Variants in PPP2R3C observed in about 807,000 individuals in gnomAD.
PPP2R3C encodes the protein serine/threonine-protein phosphatase 2A regulatory subunit B'' subunit gamma.
A neutral mutation model predicts 63.7 loss-of-function variants in PPP2R3C; 47 were observed. That is an observed-to-expected ratio of 0.74 (90% CI 0.58 to 0.94). The LOEUF (loss-of-function observed/expected upper bound fraction) is 0.94, where lower values mean the gene tolerates loss of function less well. Ranked by LOEUF, PPP2R3C falls within the 40% of genes least tolerant of loss-of-function variation. The pLI is 0.00. For missense variants in PPP2R3C, 421 were observed against 518.4 expected (o/e 0.81, Z 1.82); for synonymous variants, 180 against 177.4 (o/e 1.01, Z -0.12).
At chr14:35,116,899 A>G (rs1488316878) in intron 1 of PPP2R3C, among the ~76,000 whole-genome samples, 162 bp from the exon 2 acceptor site, 1 of 152,200 alleles carries the variant, frequency 6.6e-6, no homozygotes, top group Admixed American at 6.6e-5. Context: ...TTTCTGAAAT[A>G]CCAAGAATCA....
chr14:35,087,984 A>G lies in PPP2R3C; in HGVS notation c.1140T>C (p.His380=), dbSNP rs1216741527. Reference sequence around the variant, plus strand: ...CTTGAAATGAAACAGGATCTTGTCCATGGATTTTCATTAGTTCCTGTATGG... The same window carrying G: ...CTTGAAATGAAACAGGATCTTGTCCGTGGATTTTCATTAGTTCCTGTATGG... ...FRAIQELMKI[H]GQDPVSFQDV... is the part of the protein sequence containing the mutation. Residue 380 remains histidine, a synonymous_variant, in exon 12 of 13, where the codon CAT becomes CAC. Transcript: ENST00000261475. 6.2e-7 allele frequency: 1 copy of G among 1,600,488 alleles called. No individual in the cohort carries two copies. The highest frequency in any genetic ancestry group is 2.2e-5 in the East Asian group (1 of 44,714).
chr14:35,110,312 G>C, intron 3 of PPP2R3C: 1 of 497,720 alleles, frequency 2.0e-6, no homozygotes, highest in Non-Finnish European at 3.6e-6. Context: ...GAATCACCTA[G>C]GGCCTTAAAC....
intron 10 of PPP2R3C, among the ~76,000 whole-genome samples, chr14:35,094,824 T>G (rs575662873): frequency 6.6e-6 from 1 of 152,148 alleles, no homozygotes; most frequent in East Asian, 1.9e-4. Flanking sequence ...TGCAGTGGCA[T>G]GCACCCATAA....
intron 1 of PPP2R3C, among the ~76,000 whole-genome samples, chr14:35,118,717 G>C (rs1254723573): frequency 6.8e-6 from 1 of 147,076 alleles, no homozygotes; most frequent in Non-Finnish European, 1.5e-5. Flanking sequence ...GCAGTGGCGC[G>C]ATCTTGGCTC....
At chr14:35,105,759 G>T (rs1034033636) in intron 6 of PPP2R3C, among the ~76,000 whole-genome samples, 2 of 152,060 alleles carry the variant, frequency 1.3e-5, no homozygotes, top group Admixed American at 1.3e-4. Context: ...TAGAATTCTA[G>T]CTGCTTTCCT....
intron 12 of PPP2R3C, chr14:35,086,050 G>T: frequency 2.8e-6 from 1 of 352,356 alleles, no homozygotes; most frequent in Non-Finnish European, 5.1e-6. Flanking sequence ...AGAAACCAAG[G>T]CTCAGTGCCT....
Position 35,109,888 on chromosome 14 carries a change from A to G in PPP2R3C, c.335T>C (p.Ile112Thr), listed in dbSNP as rs1249218795. 5.0e-6 allele frequency: 8 copies of G among 1,611,766 alleles called. No homozygotes were observed. The highest frequency in any genetic ancestry group is 1.7e-5 in the Admixed American group (1 of 59,894). ...LLDKHQTPPM[I>T]GEEAMINYEN... ...GTAATTGATCATCGCTTCCTCTCCAATCATAGGTGGTGTCTGGTGTTTGTC... is the reference window on the plus strand; with the variant it reads ...GTAATTGATCATCGCTTCCTCTCCAGTCATAGGTGGTGTCTGGTGTTTGTC... Residue 112 changes from isoleucine to threonine, a missense_variant, in exon 4 of 13, where the codon ATT becomes ACT. This residue lies in a region of PPP2R3C where 143 missense variants were observed against 151.2 expected (regional missense o/e 0.95). Coordinates refer to ENST00000261475, the MANE Select transcript of PPP2R3C (RefSeq NM_017917.4).
At chr14:35,099,216 C>T (rs1222640312) in intron 7 of PPP2R3C, 36 bp downstream of exon 7, 2 of 1,489,384 alleles carry the variant, frequency 1.3e-6, no homozygotes, top group Non-Finnish European at 1.8e-6. Context: ...TAATAATATC[C>T]TCATAATATC....
intron 12 of PPP2R3C, chr14:35,087,602 G>A (rs952532544): frequency 4.8e-6 from 1 of 209,716 alleles, no homozygotes; most frequent in Non-Finnish European, 9.7e-6. Context: ...GTTTCACCAT[G>A]TTGACCAGGC....
intron 2 of PPP2R3C, among the ~76,000 whole-genome samples, chr14:35,116,106 A>C (rs1595129590): frequency 6.6e-6 from 1 of 152,266 alleles, no homozygotes; most frequent in African/African-American, 2.4e-5. Flanking sequence ...TTACATACCC[A>C]CTTAAATCTA....
At chr14:35,101,454 A>G (rs533233572) in intron 6 of PPP2R3C, 3 of 152,352 alleles carry the variant, frequency 2.0e-5, no homozygotes, top group Non-Finnish European at 2.9e-5. Flanking sequence ...TGAAATAAAA[A>G]TATCTTCTTT....
intron 3 of PPP2R3C, chr14:35,110,154 A>G (rs2046503419): frequency 4.2e-6 from 2 of 480,908 alleles, no homozygotes; most frequent in African/African-American, 4.0e-5. Context: ...CCACATCTCT[A>G]TGATATAGTT....
chr14:35,109,988 A>G, intron 3 of PPP2R3C, 57 bp from the exon 4 acceptor site: 10 of 1,240,238 alleles, frequency 8.1e-6, no homozygotes, highest in South Asian at 2.8e-5. Flanking sequence ...AGATTTTAAT[A>G]TGTAGTTAAA....
intron 11 of PPP2R3C, among the ~76,000 whole-genome samples, chr14:35,090,709 C>T (rs1238322277): frequency 7.3e-6 from 1 of 136,572 alleles, no homozygotes; most frequent in Non-Finnish European, 1.6e-5. Flanking sequence ...CTGCATCTCA[C>T]AATTTTTTTT....
At chr14:35,097,710 C>G (rs1044284667) in intron 7 of PPP2R3C, among the ~76,000 whole-genome samples, 1 of 152,116 alleles carries the variant, frequency 6.6e-6, no homozygotes, top group East Asian at 1.9e-4. Flanking sequence ...TCTTGAACAC[C>G]TGACCTCAGA....
intron 6 of PPP2R3C, among the ~76,000 whole-genome samples, chr14:35,104,664 C>A (rs2046293229): frequency 6.6e-6 from 1 of 152,180 alleles, no homozygotes; most frequent in Admixed American, 6.5e-5. Context: ...AGGAAACAAG[C>A]AGCCTCTTGG....
At chr14:35,092,081 G>A (rs2138615589) in intron 10 of PPP2R3C, among the ~76,000 whole-genome samples, 1 of 150,404 alleles carries the variant, frequency 6.6e-6, no homozygotes, top group South Asian at 2.1e-4. Context: ...CATTATTCTT[G>A]TTTTTGAGAC....
At chr14:35,120,406 G>A (rs540243766) in intron 1 of PPP2R3C, among the ~76,000 whole-genome samples, 1 of 151,578 alleles carries the variant, frequency 6.6e-6, no homozygotes, top group South Asian at 2.1e-4. Context: ...CACCACTACC[G>A]GGTAATTTTT....
At chr14:35,116,551 T>C in intron 2 of PPP2R3C, 59 bp downstream of exon 2, 1 of 1,398,624 alleles carries the variant, frequency 7.1e-7, no homozygotes, top group Non-Finnish European at 9.5e-7. Context: ...CACCCTGCCT[T>C]GCCAAAAATT....
Sources: allele counts gnomAD v4.1 joint callset (sites outside exome capture counted in the v4.1 genomes callset), GRCh38; gene constraint gnomAD v4.1.1; regional missense constraint gnomAD v4.1.1; transcripts MANE v1.5; gene names NCBI Gene and HGNC (gene_info 2026-07-23, HGNC 2026-07-21).